Variants in DST observed in about 807,000 individuals in gnomAD.
DST encodes the protein dystonin.
A neutral mutation model predicts 875.2 loss-of-function variants in DST; 253 were observed. The observed-to-expected ratio is 0.29, with a 90% CI of 0.26 to 0.32. The LOEUF is 0.32. Ranked by LOEUF, DST falls within the 10% of genes least tolerant of loss-of-function variation. The pLI, the probability that DST is intolerant of heterozygous loss-of-function variation, is 1.00. For missense variants in DST, 8,287 were observed against 9,111.6 expected, an observed-to-expected ratio of 0.91 and a Z score of 3.68; for synonymous variants, 3,124 against 3,197.1, an observed-to-expected ratio of 0.98 and a Z score of 0.77.
intron 4 of DST, among the ~76,000 whole-genome samples, chr6:56,848,117 G>T (rs1021340182): frequency 6.6e-6 from 1 of 152,062 alleles, no homozygotes; most frequent in African/African-American, 2.4e-5. Context: ...GGAATATTAG[G>T]ACTCATTTCT....
intron 10 of DST, among the ~76,000 whole-genome samples, chr6:56,662,128 T>C (rs2099046521): frequency 6.6e-6 from 1 of 152,142 alleles, no homozygotes; most frequent in African/African-American, 2.4e-5. Context: ...TTAGACCTGC[T>C]AAAAGGTAAT....
chr6:56,636,035 T>C (rs1373848137), intron 23 of DST, among the ~76,000 whole-genome samples: 1 of 152,180 alleles, frequency 6.6e-6, no homozygotes, highest in Non-Finnish European at 1.5e-5. Flanking sequence ...AAAACTTCTA[T>C]GGTTTTAGAA....
chr6:56,556,723 T>C (rs2097426406), intron 59 of DST, among the ~76,000 whole-genome samples: 1 of 152,200 alleles, frequency 6.6e-6, no homozygotes, highest in South Asian at 2.1e-4. Flanking sequence ...TGTAAAACAT[T>C]AAACATTAAA....
Position 56,604,338 on chromosome 6 carries a change from A to G in DST, c.10290T>C (p.Ser3430=). 1 of 1,612,394 alleles carries G rather than the reference A, an allele frequency of 6.2e-7. No homozygotes were observed. Among genetic ancestry groups the G allele is most frequent in the South Asian group, 1.1e-5 (1 of 90,992 alleles). ...TTCCAATACAGAAAGGATCATCTCT[A>G]CTTTCTGGCTTTAGTTCTGATGAGT... ...MTNSSELKPE[S]RDDPFCIGNL... Residue 3430 remains serine (S), a synonymous_variant, in exon 40 of 104, where the codon AGT becomes AGC. Transcript: ENST00000680361.
intron 15 of DST, chr6:56,643,003 G>T (rs1325742251): frequency 8.3e-7 from 1 of 1,203,440 alleles, no homozygotes; most frequent in Non-Finnish European, 1.1e-6. Context: ...CCATTCGTTT[G>T]CTAGCTGAGG....
chr6:56,684,001 C>T (rs1220454309), intron 9 of DST, among the ~76,000 whole-genome samples: 1 of 152,206 alleles, frequency 6.6e-6, no homozygotes, highest in Non-Finnish European at 1.5e-5. Context: ...TCTTATAGCA[C>T]ACTGATTTCA....
chr6:56,751,430 T>C (rs865802168), intron 4 of DST, among the ~76,000 whole-genome samples: 1 of 152,028 alleles, frequency 6.6e-6, no homozygotes, highest in Non-Finnish European at 1.5e-5. Context: ...CCAATTTTTC[T>C]TCAAAGAATA....
In DST at chr6:56,795,849, T is replaced by A. The variant is rs2099738917; in HGVS notation, c.625+55548A>T. ...CGCTTTCAAAATTCTAAAGGAAAAA[T>A]TATTTCCAATCTAGATAGTACCAAT... On this transcript the variant is annotated intron_variant, in intron 4 of 103. Coordinates refer to ENST00000680361, the MANE Select transcript of DST (RefSeq NM_001374736.1). Among the ~76,000 whole-genome samples the A allele has an allele frequency of 3.9e-5, 6 of 152,172 alleles. No homozygotes were observed. The South Asian group carries it at 1.0e-3, about 26-fold the overall frequency.
intron 4 of DST, among the ~76,000 whole-genome samples, chr6:56,782,079 G>C (rs1227693663): frequency 2.0e-5 from 3 of 152,108 alleles, no homozygotes; most frequent in South Asian, 2.1e-4. Context: ...AAACCCACTT[G>C]ATCATGGTGG....
chr6:56,711,806 AGGTGGCCGGGCGC>A (rs1349459607), intron 5 of DST, among the ~76,000 whole-genome samples: 1 of 152,154 alleles, frequency 6.6e-6, no homozygotes, highest in African/African-American at 2.4e-5. Context: ...AAATAGGAGG[AGGTGGCCGGGCGC>A]GGTGGCTCAC....
chr6:56,799,371 A>T (rs1193585345), intron 4 of DST, among the ~76,000 whole-genome samples: 45 of 150,422 alleles, frequency 3.0e-4, no homozygotes, highest in Non-Finnish European at 5.5e-4. Flanking sequence ...TTTTTTTTTT[A>T]AATCACATAC....
At chr6:56,481,254 G>A (rs2152419808) in intron 90 of DST, among the ~76,000 whole-genome samples, 1 of 152,234 alleles carries the variant, frequency 6.6e-6, no homozygotes, top group East Asian at 1.9e-4. Context: ...ATTTACTGGT[G>A]TTTAAAAGAT....
At chr6:56,820,772 T>C (rs770617448) in intron 4 of DST, among the ~76,000 whole-genome samples, 25 of 152,156 alleles carry the variant, frequency 1.6e-4, no homozygotes, top group Non-Finnish European at 3.2e-4. Flanking sequence ...AAGTTATCTC[T>C]AATTTCTTTT....
At chr6:56,677,363 C>T (rs2099136157) in intron 9 of DST, among the ~76,000 whole-genome samples, 1 of 152,114 alleles carries the variant, frequency 6.6e-6, no homozygotes, top group Non-Finnish European at 1.5e-5. Context: ...TGTTGCTAGG[C>T]TGAAGTGCAG....
intron 102 of DST, chr6:56,461,244 C>T (rs1055833326): frequency 2.0e-5 from 3 of 151,232 alleles, no homozygotes; most frequent in African/African-American, 7.3e-5. Flanking sequence ...ACTATACATA[C>T]ACTTAAGTGT....
intron 61 of DST, among the ~76,000 whole-genome samples, chr6:56,544,903 T>TC (rs2097197396): frequency 6.6e-6 from 1 of 152,206 alleles, no homozygotes; most frequent in Non-Finnish European, 1.5e-5. Context: ...GGTTTATTTT[T>TC]CCCCAAAAAT....
chr6:56,783,742 T>A (rs2099699204), intron 4 of DST, among the ~76,000 whole-genome samples: 1 of 152,188 alleles, frequency 6.6e-6, no homozygotes, highest in Non-Finnish European at 1.5e-5. Flanking sequence ...TTAATATTGT[T>A]ATGTGTGAAC....
chr6:56,607,489 C>G lies in DST; in HGVS notation c.7139G>C (p.Arg2380Pro). ...TTTAGAATGACTACATTCATTTGCACGTTCATTTGTTTCCACTCGGCTTTG... is the reference window on the plus strand; with the variant it reads ...TTTAGAATGACTACATTCATTTGCAGGTTCATTTGTTTCCACTCGGCTTTG... ...ENQSRVETNE[R>P]ANECSHSKNI... The change falls in exon 40 of 104, where the codon CGT becomes CCT. Residue 2380 changes from arginine (R) to proline (P), a missense_variant. Arg to Pro is a moderately radical substitution (Grantham distance 103). This residue lies in a region of DST where 3,138 missense variants were observed against 3,116.6 expected (regional missense o/e 1.01). Transcript: ENST00000680361. The G allele has an allele frequency of 1.3e-6, 2 of 1,597,606 alleles. No homozygotes were observed. The highest frequency in any genetic ancestry group is 1.7e-6 in the Non-Finnish European group (2 of 1,170,768).
Position 56,473,875 on chromosome 6 carries a change from C to T in DST, c.21992G>A (p.Gly7331Glu), listed in dbSNP as rs781156041. 6.9e-6 allele frequency: 11 copies of T among 1,597,700 alleles called. No homozygotes were observed. Among genetic ancestry groups the T allele is most frequent in the Non-Finnish European group, 9.4e-6 (11 of 1,171,068 alleles). Residue 7331 changes from glycine to glutamate, a missense_variant and splice_region_variant, in exon 93 of 104, where the codon GGA becomes GAA. Around this residue, in one of 10 missense-constraint regions of DST, gnomAD observed 1,292 missense variants for 1,552.7 expected, o/e 0.83. Coordinates refer to ENST00000680361, the MANE Select transcript of DST (RefSeq NM_001374736.1). ...TAAAGAAATTGATCACTGCTTACTT[C>T]CTGCTCGTCCCTTATCCAAGACTGG... ...HIPVLDKGRA[G>E]RKRFPASSLY...
Sources: gnomAD v4.1 joint callset for allele counts (sites outside exome capture counted in the v4.1 genomes callset) on GRCh38, gnomAD v4.1.1 for gene constraint, gnomAD v4.1.1 regional missense constraint, MANE v1.5 for transcripts, NCBI Gene and HGNC (gene_info 2026-07-23, HGNC 2026-07-21) for gene names.